The following GLG1 variants were observed in gnomAD, a reference collection of about 807,000 sequenced individuals.
GLG1 encodes Golgi apparatus protein 1.
A neutral mutation model predicts 160.5 loss-of-function variants in GLG1; 38 were observed. The observed-to-expected ratio is 0.24, with a 90% CI of 0.18 to 0.31. The LOEUF is 0.31. GLG1 is among the 10% of genes least tolerant of loss of function. The pLI is 1.00. For missense variants in GLG1, 1,373 were observed against 1,505.2 expected (o/e 0.91, Z 1.45); for synonymous variants, 644 against 543.4 (o/e 1.19, Z -2.57).
rs1286347351 is a variant in GLG1 at position 74,559,974 on chromosome 16, T to C, written c.439-27821A>G. On this transcript the variant is annotated intron_variant, in intron 1 of 25. Coordinates refer to ENST00000422840, the MANE Select transcript of GLG1 (RefSeq NM_001145667.2). ...TTTTCCCCTATTGTTAATAGCTTAC[T>C]TTATATAGTGCAATCTGTCACAACT... Among the ~76,000 whole-genome samples, 3 of 152,120 alleles carry C rather than the reference T, an allele frequency of 2.0e-5. No homozygotes were observed. The East Asian group carries it at 5.8e-4, about 29-fold the overall frequency.
At chr16:74,574,040 G>A (rs530073753) in intron 1 of GLG1, among the ~76,000 whole-genome samples, 15 of 152,146 alleles carry the variant, frequency 9.9e-5, no homozygotes, top group East Asian at 7.7e-4. Flanking sequence ...GATTCTCCAC[G>A]GAAGTAAGCA....
At chr16:74,484,467 A>G (rs2015720531) in intron 9 of GLG1, among the ~76,000 whole-genome samples, 1 of 151,802 alleles carries the variant, frequency 6.6e-6, no homozygotes, top group South Asian at 2.1e-4. Context: ...ACACCCCACT[A>G]ATTTTGTATT....
At chr16:74,489,428 G>A (rs1236734190) in intron 8 of GLG1, among the ~76,000 whole-genome samples, 2 of 151,118 alleles carry the variant, frequency 1.3e-5, no homozygotes, top group East Asian at 1.9e-4. Flanking sequence ...CAGAGGTTGC[G>A]CCATTACACT....
chr16:74,580,422 C>A (rs1957912721), intron 1 of GLG1, among the ~76,000 whole-genome samples: 1 of 152,068 alleles, frequency 6.6e-6, no homozygotes, highest in Non-Finnish European at 1.5e-5. Context: ...GTGCTTGGGC[C>A]CAGGAGGTCA....
Position 74,452,190 on chromosome 16 carries a change from C to A in GLG1, c.*977G>T. 6.3e-7 allele frequency: 1 copy of A among 1,581,848 alleles called. No homozygotes were observed. The highest frequency in any genetic ancestry group is 8.6e-7 in the Non-Finnish European group (1 of 1,163,546). On this transcript the variant is annotated 3_prime_UTR_variant, in exon 26 of 26. Coordinates refer to ENST00000422840, the MANE Select transcript of GLG1 (RefSeq NM_001145667.2). ...GCTCCCACTTCCTGACCCACTGCTC[C>A]CCACACCCATCTTCAAGGACCCCTC...
intron 1 of GLG1, among the ~76,000 whole-genome samples, chr16:74,602,028 T>A (rs1165559591): frequency 6.6e-6 from 1 of 152,100 alleles, no homozygotes; most frequent in Admixed American, 6.6e-5. Flanking sequence ...ATAATGATAG[T>A]CATTATCAAC....
At chr16:74,536,016 A>C (rs2017677654) in intron 1 of GLG1, among the ~76,000 whole-genome samples, 1 of 152,180 alleles carries the variant, frequency 6.6e-6, no homozygotes, top group East Asian at 1.9e-4. Context: ...ATAATGTCAG[A>C]ATAAATGAAC....
intron 1 of GLG1, among the ~76,000 whole-genome samples, chr16:74,584,820 G>T (rs1376834791): frequency 2.0e-5 from 3 of 152,100 alleles, no homozygotes; most frequent in Non-Finnish European, 1.5e-5. Context: ...GGAGGCTGAG[G>T]CAGGAGAATC....
chr16:74,479,577 T>G (rs1006821217), intron 11 of GLG1, among the ~76,000 whole-genome samples: 7 of 152,150 alleles, frequency 4.6e-5, no homozygotes, highest in African/African-American at 1.7e-4. Context: ...GCCAGGCTTT[T>G]GCATTAAGCT....
chr16:74,496,996 G>C (rs1451436147), intron 4 of GLG1, among the ~76,000 whole-genome samples: 3 of 152,056 alleles, frequency 2.0e-5, no homozygotes, highest in Non-Finnish European at 2.9e-5. Context: ...AAACACAACA[G>C]GGCCAGGCAT....
At chr16:74,567,109 G>T (rs1348115122) in intron 1 of GLG1, among the ~76,000 whole-genome samples, 2 of 151,616 alleles carry the variant, frequency 1.3e-5, no homozygotes, top group African/African-American at 2.4e-5. Flanking sequence ...TAGCATTTTT[G>T]AATTTTCTAT....
intron 2 of GLG1, among the ~76,000 whole-genome samples, chr16:74,525,601 T>C (rs1240845002): frequency 6.7e-6 from 1 of 150,246 alleles, no homozygotes; most frequent in Non-Finnish European, 1.5e-5. Flanking sequence ...CAGCCCTGCA[T>C]TTCCTTAATG....
intron 1 of GLG1, among the ~76,000 whole-genome samples, chr16:74,587,567 G>C (rs1336553413): frequency 6.6e-6 from 1 of 152,126 alleles, no homozygotes; most frequent in East Asian, 1.9e-4. Flanking sequence ...TAGCACATGA[G>C]GACCTCAAAC....
chr16:74,469,650 C>T lies in GLG1; in HGVS notation c.2318+335G>A, dbSNP rs147492616. On this transcript the variant is annotated intron_variant, in intron 16 of 25. Coordinates refer to ENST00000422840, the MANE Select transcript of GLG1 (RefSeq NM_001145667.2). ...TCTTAGATGAGATGACATAACGGGA[C>T]GACGCAGGGAAGAGGTCAGTTCGCC... The T allele has an allele frequency of 7.7e-5, 21 of 272,914 alleles. No homozygotes were observed. In the East Asian group the frequency reaches 1.2e-3, roughly 16 times the overall value. The allele number at this position is 272,914 out of a possible 1,614,324, so 16.9% of individuals were successfully genotyped here.
At chr16:74,590,962 T>A (rs552820619) in intron 1 of GLG1, among the ~76,000 whole-genome samples, 2,927 of 148,264 alleles carry the variant, frequency 0.02, 39 homozygotes, top group Non-Finnish European at 0.028. Context: ...AAAAAAAAAA[T>A]TAAAATATAA....
intron 1 of GLG1, among the ~76,000 whole-genome samples, chr16:74,540,021 TA>T (rs61172779): frequency 0.15 from 3,654 of 24,346 alleles, 1,632 homozygotes; most frequent in Non-Finnish European, 0.17. Flanking sequence ...TTTATATATA[TA>T]TATTATATAT....
At chr16:74,504,024 T>C (rs1314248834) in intron 3 of GLG1, among the ~76,000 whole-genome samples, 7 of 152,156 alleles carry the variant, frequency 4.6e-5, no homozygotes, top group African/African-American at 1.4e-4. Context: ...AATGCTTAGG[T>C]AATGCTCACT....
intron 1 of GLG1, among the ~76,000 whole-genome samples, chr16:74,541,582 A>G (rs969854013): frequency 4.6e-5 from 7 of 152,220 alleles, no homozygotes; most frequent in South Asian, 2.1e-4. Context: ...TCATGGGGCT[A>G]TTATAAGCAT....
At position 74,469,973 on chromosome 16, in the gene GLG1, C is replaced by T. The variant is rs769777339; in HGVS notation, c.2318+12G>A. 1.9e-5 allele frequency: 29 copies of T among 1,504,322 alleles called. No homozygotes were observed. The South Asian group carries it at 2.5e-4, about 13-fold the overall frequency. 93.2% of individuals were successfully genotyped at this position (1,504,322 alleles called of 1,614,324 possible). On this transcript the variant is annotated intron_variant, in intron 16 of 25. Transcript: ENST00000422840. ...TCGGGAAAGTGGAATGAAACAACTA[C>T]AAGCTACATACTTCTTTTTTATGTT...
Sources: gnomAD v4.1 joint callset for allele counts (sites outside exome capture counted in the v4.1 genomes callset) on GRCh38, gnomAD v4.1.1 for gene constraint, MANE v1.5 for transcripts, NCBI Gene and HGNC (gene_info 2026-07-23, HGNC 2026-07-21) for gene names.